The following HOMER1 variants were observed in gnomAD, a reference collection of about 807,000 sequenced individuals.
HOMER1 encodes homer scaffold protein 1, also known as homer protein homolog 1.
In HOMER1, 3 loss-of-function variants were observed where a neutral mutation model predicts 48.9. That is an observed-to-expected ratio of 0.06 (90% CI 0.03 to 0.16). The LOEUF (loss-of-function observed/expected upper bound fraction) is 0.16. Among genes scored for constraint, HOMER1 ranks in the 10% least tolerant of loss-of-function variants. The probability of loss-of-function intolerance (pLI) is 1.00; values close to 1 mark genes in which losing one functional copy is unlikely to be tolerated. For missense variants in HOMER1, 247 were observed against 411.4 expected, an observed-to-expected ratio of 0.60 and a Z score of 3.46; for synonymous variants, 134 against 146.4, an observed-to-expected ratio of 0.92 and a Z score of 0.61.
chr5:79,395,879 T>C (rs528349950), intron 8 of HOMER1, among the ~76,000 whole-genome samples: 2 of 152,350 alleles, frequency 1.3e-5, no homozygotes, highest in African/African-American at 4.8e-5. Flanking sequence ...GTGTCCGATA[T>C]GTTGCAAGCA....
chr5:79,480,068 T>G (rs2112339871), intron 1 of HOMER1, among the ~76,000 whole-genome samples: 2 of 152,270 alleles, frequency 1.3e-5, no homozygotes, highest in East Asian at 3.9e-4. Flanking sequence ...TTTTCTCATT[T>G]CACTAAACAG....
chr5:79,466,640 T>C (rs1580002389), intron 1 of HOMER1, among the ~76,000 whole-genome samples: 1 of 152,142 alleles, frequency 6.6e-6, no homozygotes, highest in Non-Finnish European at 1.5e-5. Flanking sequence ...TGACAGTATA[T>C]GCCTGGGAAA....
intron 1 of HOMER1, among the ~76,000 whole-genome samples, chr5:79,458,680 A>C (rs1055389316): frequency 5.3e-5 from 8 of 152,266 alleles, no homozygotes; most frequent in African/African-American, 1.9e-4. Context: ...CTTATTAAAG[A>C]ATCTCTCTTA....
At chr5:79,498,908 C>T (rs1166111930) in intron 1 of HOMER1, among the ~76,000 whole-genome samples, 1 of 151,124 alleles carries the variant, frequency 6.6e-6, no homozygotes, top group African/African-American at 2.4e-5. Flanking sequence ...TGATCTCGGC[C>T]CATTGCAATC....
chr5:79,489,804 G>T (rs1172610963), intron 1 of HOMER1, among the ~76,000 whole-genome samples: 1 of 152,032 alleles, frequency 6.6e-6, no homozygotes, highest in Non-Finnish European at 1.5e-5. Context: ...AGTCCCTCTG[G>T]TGTCAAATTA....
chr5:79,391,459 A>C (rs1749249547), intron 8 of HOMER1, among the ~76,000 whole-genome samples: 1 of 151,856 alleles, frequency 6.6e-6, no homozygotes, highest in South Asian at 2.1e-4. Context: ...GTATGAAAAA[A>C]AAAGGCCAGG....
At chr5:79,408,476 G>T (rs1335545310) in intron 5 of HOMER1, among the ~76,000 whole-genome samples, 2 of 151,994 alleles carry the variant, frequency 1.3e-5, no homozygotes, top group Non-Finnish European at 2.9e-5. Flanking sequence ...TTAAAATGAA[G>T]ATAATTATAA....
chr5:79,485,301 G>A (rs73124171), intron 1 of HOMER1, among the ~76,000 whole-genome samples: 5,652 of 152,204 alleles, frequency 0.037, 361 homozygotes, highest in African/African-American at 0.13. Flanking sequence ...CAGATTTGTG[G>A]GTTTGGGTTT....
At chr5:79,404,091 G>A (rs745975796) in intron 5 of HOMER1, among the ~76,000 whole-genome samples, 2 of 152,024 alleles carry the variant, frequency 1.3e-5, no homozygotes, top group East Asian at 1.9e-4. Context: ...ATAGAGATGC[G>A]TTTTATTTAA....
intron 5 of HOMER1, among the ~76,000 whole-genome samples, chr5:79,409,463 A>G (rs1348240074): frequency 6.6e-6 from 1 of 151,472 alleles, no homozygotes; most frequent in African/African-American, 2.4e-5. Context: ...CCTTTGTGAC[A>G]TTGGATCTGC....
chr5:79,393,318 T>C (rs1033248991), intron 8 of HOMER1, among the ~76,000 whole-genome samples: 1 of 152,134 alleles, frequency 6.6e-6, no homozygotes. Context: ...GACTGTAGCA[T>C]AGTCCTTAAA....
chr5:79,510,459 C>T (rs891581493), intron 1 of HOMER1: 21 of 685,836 alleles, frequency 3.1e-5, no homozygotes, highest in Non-Finnish European at 5.7e-5. Context: ...AACCACACCA[C>T]ACACAACCAG....
At chr5:79,391,259 T>C (rs1426157771) in intron 8 of HOMER1, among the ~76,000 whole-genome samples, 1 of 150,594 alleles carries the variant, frequency 6.6e-6, no homozygotes, top group Non-Finnish European at 1.5e-5. Flanking sequence ...CACCTCAGCC[T>C]CCCATGTAGC....
At chr5:79,378,746 C>G (rs1748843884) in intron 8 of HOMER1, among the ~76,000 whole-genome samples, 1 of 151,992 alleles carries the variant, frequency 6.6e-6, no homozygotes, top group Non-Finnish European at 1.5e-5. Context: ...CCCTCTAAAG[C>G]CCTCCCAAAA....
chr5:79,439,199 T>A, intron 4 of HOMER1, 50 bp from the exon 5 acceptor site: 1 of 1,587,394 alleles, frequency 6.3e-7, no homozygotes, highest in Non-Finnish European at 8.6e-7. Flanking sequence ...TTTGTTAAAG[T>A]ACACAATATC....
chr5:79,447,978 C>T (rs1223763006), intron 3 of HOMER1, among the ~76,000 whole-genome samples: 1 of 152,124 alleles, frequency 6.6e-6, no homozygotes, highest in Non-Finnish European at 1.5e-5. Context: ...AATTATAGTT[C>T]CTTTCTCAAA....
intron 8 of HOMER1, among the ~76,000 whole-genome samples, chr5:79,381,786 G>A (rs886410787): frequency 6.6e-6 from 1 of 151,990 alleles, no homozygotes; most frequent in Non-Finnish European, 1.5e-5. Flanking sequence ...TCTGAAGGCT[G>A]AGGCAGGAGA....
rs1300227325 is a variant in HOMER1 at position 79,510,844 on chromosome 5, G to C, written c.5+1926C>G. ...GGCCCAGGCTGCAGCTCCAGCTTCA[G>C]TTCCAGCTCAGGCTCCCAAAGGTGC... On this transcript the variant is annotated intron_variant, in intron 1 of 8. Transcript: ENST00000334082. 1.9e-5 allele frequency: 14 copies of C among 718,654 alleles called. 1 individual carries two copies. The highest frequency in any genetic ancestry group is 3.3e-5 in the Non-Finnish European group (13 of 398,138). The allele number at this position is 718,654 out of a possible 1,614,324, so 44.5% of individuals were successfully genotyped here.
chr5:79,438,565 T>C (rs1468994040), intron 5 of HOMER1, among the ~76,000 whole-genome samples: 1 of 152,124 alleles, frequency 6.6e-6, no homozygotes, highest in African/African-American at 2.4e-5. Flanking sequence ...TGAGATCATC[T>C]CAAAGACTAT....
Sources: gnomAD v4.1 joint callset for allele counts (sites outside exome capture counted in the v4.1 genomes callset) on GRCh38, gnomAD v4.1.1 for gene constraint, MANE v1.5 for transcripts, NCBI Gene and HGNC (gene_info 2026-07-23, HGNC 2026-07-21) for gene names.